The following PLEKHG3 variants were observed in gnomAD, a reference collection of about 807,000 sequenced individuals.
PLEKHG3 encodes pleckstrin homology and RhoGEF domain containing G3.
A neutral mutation model predicts 94.9 loss-of-function variants in PLEKHG3; 62 were observed. That is an observed-to-expected ratio of 0.65 (90% CI 0.53 to 0.81). The LOEUF (loss-of-function observed/expected upper bound fraction) is 0.81. Among genes scored for constraint, PLEKHG3 ranks in the 30% least tolerant of loss-of-function variants. PLEKHG3 has a pLI of 0.00. For missense variants in PLEKHG3, 1,461 were observed against 1,619.3 expected, an observed-to-expected ratio of 0.90 and a Z score of 1.68; for synonymous variants, 614 against 654.0, an observed-to-expected ratio of 0.94 and a Z score of 0.93.
At position 64,732,338 on chromosome 14, in the gene PLEKHG3, G is replaced by A. The variant is rs1204805030; in HGVS notation, c.1213-89G>A. 13 of 1,307,122 alleles carry A rather than the reference G, an allele frequency of 9.9e-6. No homozygotes were observed. The East Asian group carries it at 2.3e-4, about 23-fold the overall frequency. 81.0% of individuals were successfully genotyped at this position (1,307,122 alleles called of 1,614,324 possible). The stretch of plus-strand genomic sequence containing the variant: ...CCGGGCCTTGGTGCAGCACTGTGGG[G>A]TGTCCTCGTACAGCAACAGTGGGTC... On this transcript the variant is annotated intron_variant, in intron 10 of 16. Coordinates refer to ENST00000247226, the MANE Select transcript of PLEKHG3 (RefSeq NM_001308147.2). This position sits in a 1 kb window ranked among gnomAD's most constrained non-coding sequence, Gnocchi z 4.9.
intron 14 of PLEKHG3, 65 bp downstream of exon 14, chr14:64,737,440 C>G: frequency 8.6e-7 from 1 of 1,156,532 alleles, no homozygotes; most frequent in Non-Finnish European, 1.2e-6. Context: ...GGTCAGCCCC[C>G]GGCCCCTTCA....
rs1308670739 is a variant in PLEKHG3 at position 64,736,959 on chromosome 14, G to A, written c.1384+68G>A. On this transcript the variant is annotated intron_variant, in intron 13 of 16. Coordinates refer to ENST00000247226, the MANE Select transcript of PLEKHG3 (RefSeq NM_001308147.2). Reference sequence around the variant, plus strand: ...GGAGGAGGGAGGAGGGGAAGCAGCCGACAACCTGGGGTGTGACCTGAGGGT... The same window carrying A: ...GGAGGAGGGAGGAGGGGAAGCAGCCAACAACCTGGGGTGTGACCTGAGGGT... 9.2e-5 allele frequency: 109 copies of A among 1,185,406 alleles called. 1 individual carries two copies. Among genetic ancestry groups the A allele is most frequent in the African/African-American group, 3.0e-5 (2 of 66,688 alleles). The allele number at this position is 1,185,406 out of a possible 1,614,324, so 73.4% of individuals were successfully genotyped here.
chr14:64,733,421 G>T (rs1384758308), intron 12 of PLEKHG3, among the ~76,000 whole-genome samples: 2 of 152,066 alleles, frequency 1.3e-5, no homozygotes, highest in Admixed American at 6.5e-5. Flanking sequence ...GCCCGTCTCG[G>T]ACTCCCAAAG....
Position 64,715,040 on chromosome 14 carries a change from A to G in PLEKHG3, c.-40+10336A>G, listed in dbSNP as rs1316135834. 6.6e-6 allele frequency among the ~76,000 whole-genome samples: 1 copy of G among 152,058 alleles called. No individual in the cohort carries two copies. Among genetic ancestry groups the G allele is most frequent in the Non-Finnish European group, 1.5e-5 (1 of 68,022 alleles). On this transcript the variant is annotated intron_variant, in intron 1 of 16. Coordinates refer to ENST00000247226, the MANE Select transcript of PLEKHG3 (RefSeq NM_001308147.2). The surrounding 1 kb of genome is among the most constrained non-coding windows in gnomAD (Gnocchi z 4.4). ...AGACCCCGTGCAGGTTGGTACCCCC[A>G]CTGCAAGAGTGTGTGGGTGGAGAAG...
chr14:64,719,957 A>G (rs557926200), intron 1 of PLEKHG3, among the ~76,000 whole-genome samples: 10 of 152,302 alleles, frequency 6.6e-5, no homozygotes, highest in South Asian at 2.1e-4. Flanking sequence ...GGTAATTTCT[A>G]GTAACACCTT....
At position 64,738,074 on chromosome 14, in the gene PLEKHG3, G is replaced by A. The variant is rs564435897; in HGVS notation, c.1405-668G>A. The A allele has an allele frequency of 7.2e-5, 93 of 1,300,444 alleles. No homozygotes were observed. The highest frequency in any genetic ancestry group is 2.1e-4 in the East Asian group (4 of 19,464). 80.6% of individuals were successfully genotyped at this position (1,300,444 alleles called of 1,614,324 possible). A position where few individuals can be genotyped will look rare whatever the true frequency, so the allele number is the denominator to read the frequency against. On this transcript the variant is annotated intron_variant, in intron 14 of 16. Coordinates refer to ENST00000247226, the MANE Select transcript of PLEKHG3 (RefSeq NM_001308147.2). This position sits in a 1 kb window ranked among gnomAD's most constrained non-coding sequence, Gnocchi z 4.8. Reference sequence around the variant, plus strand: ...AAGGCAACGAGAAGGGGGCTGGGCCGGAGCCCCCAGGCTCAGAGGAGGAGG... The same window carrying A: ...AAGGCAACGAGAAGGGGGCTGGGCCAGAGCCCCCAGGCTCAGAGGAGGAGG...
Position 64,728,997 on chromosome 14 carries a change from A to G in PLEKHG3, c.353A>G (p.Asp118Gly), listed in dbSNP as rs1270731646. The change falls in exon 3 of 17, where the codon GAC becomes GGC. Residue 118 changes from aspartate (D) to glycine (G), a missense_variant and splice_region_variant. By Grantham distance (94) the Asp-to-Gly change is moderately conservative. Transcript: ENST00000247226. The surrounding 1 kb of genome is among the most constrained non-coding windows in gnomAD (Gnocchi z 5.9). ...YVQDLRSIVEDYLLKIIDTPG... is the reference protein window; with the variant it reads ...YVQDLRSIVEGYLLKIIDTPG... ...TTCTGACCACCTCCCTCCACGCAGG[A>G]CTACCTCTTGAAGATCATTGACACA... 6.9e-7 allele frequency: 1 copy of G among 1,440,550 alleles called. No individual in the cohort carries two copies. Among genetic ancestry groups the G allele is most frequent in the South Asian group, 1.2e-5 (1 of 81,806 alleles). 89.2% of individuals were successfully genotyped at this position (1,440,550 alleles called of 1,614,324 possible). A position where few individuals can be genotyped will look rare whatever the true frequency, so the allele number is the denominator to read the frequency against.
rs762169565 is a variant in PLEKHG3, at chr14:64,743,194, C to T, written c.3151C>T (p.Arg1051Cys). ...PTETFSWPDVRELCSKYASRD... is the reference protein window; with the variant it reads ...PTETFSWPDVCELCSKYASRD... ...AGAGACCTTCAGCTGGCCCGACGTC[C>T]GTGAGCTCTGCTCCAAGTATGCCTC... Residue 1051 changes from arginine to cysteine, a missense_variant, in exon 17 of 17, where the codon CGT (arginine) becomes TGT (cysteine). By Grantham distance (180) the Arg-to-Cys change is radical. Coordinates refer to ENST00000247226, the MANE Select transcript of PLEKHG3 (RefSeq NM_001308147.2). This position sits in a 1 kb window ranked among gnomAD's most constrained non-coding sequence, Gnocchi z 7.2. 1.3e-5 allele frequency: 21 copies of T among 1,610,146 alleles called. No individual in the cohort carries two copies. The highest frequency in any genetic ancestry group is 2.2e-5 in the East Asian group (1 of 44,880).
At position 64,738,222 on chromosome 14, in the gene PLEKHG3, A is replaced by G. The variant is rs2081614698; in HGVS notation, c.1405-520A>G. 2 of 1,287,746 alleles carry G rather than the reference A, an allele frequency of 1.6e-6. No homozygotes were observed. The highest frequency in any genetic ancestry group is 2.0e-6 in the Non-Finnish European group (2 of 988,398). The allele number at this position is 1,287,746 out of a possible 1,614,324, so 79.8% of individuals were successfully genotyped here. A position where few individuals can be genotyped will look rare whatever the true frequency, so the allele number is the denominator to read the frequency against. ...CGCTTTACTTTTCTCCCGGGGCGCT[A>G]TGGTGAGGTGTCTCTTCGATCTCCC... is the stretch of plus-strand genomic sequence containing the variant. On this transcript the variant is annotated intron_variant, in intron 14 of 16. Transcript: ENST00000247226. This position sits in a 1 kb window ranked among gnomAD's most constrained non-coding sequence, Gnocchi z 4.8.
chr14:64,735,324 C>T (rs1007380727), intron 12 of PLEKHG3, among the ~76,000 whole-genome samples: 1 of 152,148 alleles, frequency 6.6e-6, no homozygotes, highest in Non-Finnish European at 1.5e-5. Context: ...AGAAAGCGAT[C>T]GTTCAGGCCA....
Position 64,720,389 on chromosome 14 carries a change from A to C in PLEKHG3, c.-39-7204A>C, listed in dbSNP as rs2081242751. Among the ~76,000 whole-genome samples the C allele has an allele frequency of 6.6e-6, 1 of 152,212 alleles. No homozygotes were observed. Among genetic ancestry groups the C allele is most frequent in the Non-Finnish European group, 1.5e-5 (1 of 68,036 alleles). ...GCAGTGACTAATGTGGAGACTCATT[A>C]GGCTAGGAGGAACTGGCTTTGGTCT... is the stretch of plus-strand genomic sequence containing the variant. On this transcript the variant is annotated intron_variant, in intron 1 of 16. Transcript: ENST00000247226. The surrounding 1 kb of genome is among the most constrained non-coding windows in gnomAD (Gnocchi z 4.1).
intron 1 of PLEKHG3, among the ~76,000 whole-genome samples, chr14:64,711,736 A>G (rs575721296): frequency 6.6e-6 from 1 of 152,266 alleles, no homozygotes; most frequent in African/African-American, 2.4e-5. Context: ...TATTCTGGAT[A>G]CAAGTTCATT....
Position 64,736,688 on chromosome 14 carries a change from C to T in PLEKHG3, c.1346-165C>T, listed in dbSNP as rs555361133. On this transcript the variant is annotated intron_variant, in intron 12 of 16. Coordinates refer to ENST00000247226, the MANE Select transcript of PLEKHG3 (RefSeq NM_001308147.2). Reference sequence around the variant, plus strand: ...CCCTGTCCGTAGGTGCAAGGGGGCTCGCCGACACTGTGGAAGGCAGCTTCC... The same window carrying T: ...CCCTGTCCGTAGGTGCAAGGGGGCTTGCCGACACTGTGGAAGGCAGCTTCC... 2.2e-3 allele frequency among the ~76,000 whole-genome samples: 338 copies of T among 152,234 alleles called. 2 individuals carry two copies. The highest frequency in any genetic ancestry group is 0.02 in the Middle Eastern group (6 of 294).
In PLEKHG3 at chr14:64,732,349, C is replaced by G; in HGVS notation, c.1213-78C>G. ...TGCAGCACTGTGGGGTGTCCTCGTA[C>G]AGCAACAGTGGGTCCTATGGGCAGG... On this transcript the variant is annotated intron_variant, in intron 10 of 16. Coordinates refer to ENST00000247226, the MANE Select transcript of PLEKHG3 (RefSeq NM_001308147.2). This position sits in a 1 kb window ranked among gnomAD's most constrained non-coding sequence, Gnocchi z 4.9. 3.6e-6 allele frequency: 5 copies of G among 1,395,088 alleles called. No individual in the cohort carries two copies. The allele number at this position is 1,395,088 out of a possible 1,614,324, so 86.4% of individuals were successfully genotyped here.
In PLEKHG3 at chr14:64,738,726, A is replaced by C; in HGVS notation, c.1405-16A>C. The C allele has an allele frequency of 1.3e-6, 2 of 1,530,372 alleles. No individual in the cohort carries two copies. Among genetic ancestry groups the C allele is most frequent in the South Asian group, 2.4e-5 (2 of 84,124 alleles). The allele number at this position is 1,530,372 out of a possible 1,614,324, so 94.8% of individuals were successfully genotyped here. On this transcript the variant is annotated splice_polypyrimidine_tract_variant and intron_variant, in intron 14 of 16. Coordinates refer to ENST00000247226, the MANE Select transcript of PLEKHG3 (RefSeq NM_001308147.2). The surrounding 1 kb of genome is among the most constrained non-coding windows in gnomAD (Gnocchi z 4.8). ...CCAGTTGTCTTGGAGTTGATGACTG[A>C]CCTCTACCTCTGCAGGGAAAGGGGC...
chr14:64,733,148 C>G (rs2081505171), intron 12 of PLEKHG3, among the ~76,000 whole-genome samples: 1 of 148,872 alleles, frequency 6.7e-6, no homozygotes, highest in African/African-American at 2.5e-5. Flanking sequence ...TTTTTCTTTT[C>G]TTTTCTTTTC....
chr14:64,740,705 A>G (rs938705202), intron 15 of PLEKHG3, among the ~76,000 whole-genome samples: 2 of 152,232 alleles, frequency 1.3e-5, no homozygotes, highest in African/African-American at 4.8e-5. Context: ...GGCCATGCCC[A>G]ACCCACTGTT....
At position 64,732,416 on chromosome 14, in the gene PLEKHG3, T is replaced by C; in HGVS notation, c.1213-11T>C. On this transcript the variant is annotated splice_polypyrimidine_tract_variant and intron_variant, in intron 10 of 16. Transcript: ENST00000247226. This position sits in a 1 kb window ranked among gnomAD's most constrained non-coding sequence, Gnocchi z 4.9. ...TAAGGTAATAACCAGGTGTGTTTCC[T>C]TCCCCTTCAGGCCAAGGAAGCCATC... 1.2e-6 allele frequency: 2 copies of C among 1,612,396 alleles called. No individual in the cohort carries two copies. Among genetic ancestry groups the C allele is most frequent in the Non-Finnish European group, 1.7e-6 (2 of 1,178,390 alleles).
Position 64,716,819 on chromosome 14 carries a change from G to A in PLEKHG3, c.-39-10774G>A, listed in dbSNP as rs1052992019. ...AGGAGTAGACGCTGCTTCCTCGGCC[G>A]TGTCTCTACACGTGTGCACCCCAGA... On this transcript the variant is annotated intron_variant, in intron 1 of 16. Coordinates refer to ENST00000247226, the MANE Select transcript of PLEKHG3 (RefSeq NM_001308147.2). This position sits in a 1 kb window ranked among gnomAD's most constrained non-coding sequence, Gnocchi z 5.0. 3.9e-5 allele frequency among the ~76,000 whole-genome samples: 6 copies of A among 152,100 alleles called. No individual in the cohort carries two copies. The highest frequency in any genetic ancestry group is 1.3e-4 in the Admixed American group (2 of 15,276).
Sources: allele counts gnomAD v4.1 joint callset (sites outside exome capture counted in the v4.1 genomes callset), GRCh38; gene constraint gnomAD v4.1.1; non-coding constraint Gnocchi (gnomAD v3.1); transcripts MANE v1.5; gene names NCBI Gene and HGNC (gene_info 2026-07-23, HGNC 2026-07-21).